Variants in AK5 observed in about 807,000 individuals in gnomAD.
The protein encoded by AK5 is adenylate kinase 5, also known as adenylate kinase isoenzyme 5.
In AK5, 27 loss-of-function variants were observed where a neutral mutation model predicts 69.5. That is an observed-to-expected ratio of 0.39 (90% confidence interval 0.29 to 0.54). AK5 has a LOEUF of 0.54. Among genes scored for constraint, AK5 ranks in the 20% least tolerant of loss-of-function variants. AK5 has a pLI of 0.71. For synonymous variants in AK5, 260 were observed against 244.4 expected (o/e 1.06, Z -0.60); for missense variants, 531 against 700.4 (o/e 0.76, Z 2.73).
chr1:77,552,867 ATC>A (rs1659886045), intron 13 of AK5, among the ~76,000 whole-genome samples: 1 of 152,172 alleles, frequency 6.6e-6, no homozygotes, highest in South Asian at 2.1e-4. Context: ...GCAAGACCCC[ATC>A]TCTACAAAAA....
intron 5 of AK5, chr1:77,314,127 A>G (rs1660114387): frequency 6.2e-6 from 2 of 323,220 alleles, no homozygotes; most frequent in South Asian, 5.2e-5. Context: ...CCTCAAAACA[A>G]TCTTATGATA....
intron 8 of AK5, among the ~76,000 whole-genome samples, chr1:77,431,473 CA>C (rs1651634124): frequency 6.6e-6 from 1 of 152,002 alleles, no homozygotes; most frequent in East Asian, 1.9e-4. Flanking sequence ...ATATGTGGTT[CA>C]GAAAGGCAGA....
intron 6 of AK5, 181 bp downstream of exon 6, chr1:77,340,749 TA>T (rs5775390): frequency 0.8 from 355,687 of 446,264 alleles, 142,758 homozygotes; most frequent in South Asian, 0.91. Flanking sequence ...CATGTTTTTT[TA>T]AAAAAACTTT....
intron 6 of AK5, among the ~76,000 whole-genome samples, chr1:77,403,522 C>A (rs1269450836): frequency 6.6e-6 from 1 of 152,170 alleles, no homozygotes; most frequent in Non-Finnish European, 1.5e-5. Context: ...TATGGCTAGC[C>A]AGTCTTCCCA....
chr1:77,290,296 G>A (rs1240059298), intron 2 of AK5, among the ~76,000 whole-genome samples: 1 of 152,172 alleles, frequency 6.6e-6, no homozygotes, highest in Admixed American at 6.5e-5. Context: ...TAGCTATAAT[G>A]TGTGGAATAG....
At chr1:77,367,850 A>ATGT (rs1224704426) in intron 6 of AK5, among the ~76,000 whole-genome samples, 10 of 2,864 alleles carry the variant, frequency 3.5e-3, no homozygotes, top group South Asian at 0.013. Context: ...TATATATTAT[A>ATGT]TATAATATAT....
At chr1:77,364,493 T>C (rs1018078541) in intron 6 of AK5, among the ~76,000 whole-genome samples, 9 of 152,188 alleles carry the variant, frequency 5.9e-5, no homozygotes, top group African/African-American at 2.2e-4. Flanking sequence ...AGCTGTAATT[T>C]TGTAGCCCTT....
At chr1:77,298,099 C>T (rs1659116035) in intron 5 of AK5, 152 bp downstream of exon 5, 1 of 438,244 alleles carries the variant, frequency 2.3e-6, no homozygotes, top group Non-Finnish European at 3.9e-6. Flanking sequence ...GGCAGAAGGT[C>T]ATTTCTTTGG....
At chr1:77,424,669 G>A (rs1570546635) in intron 8 of AK5, among the ~76,000 whole-genome samples, 2 of 152,118 alleles carry the variant, frequency 1.3e-5, no homozygotes, top group Non-Finnish European at 2.9e-5. Context: ...CACATGGCTG[G>A]GGAGAGAATC....
intron 5 of AK5, chr1:77,314,027 A>G (rs551996414): frequency 2.6e-6 from 1 of 389,446 alleles, no homozygotes; most frequent in African/African-American, 2.1e-5. Flanking sequence ...AAATAATTGT[A>G]GTCATAGTAA....
intron 9 of AK5, among the ~76,000 whole-genome samples, chr1:77,485,810 G>A (rs544217365): frequency 3.9e-5 from 6 of 152,216 alleles, no homozygotes; most frequent in South Asian, 2.1e-4. Context: ...ATACATTACC[G>A]GGGTGGGGGA....
intron 5 of AK5, among the ~76,000 whole-genome samples, chr1:77,328,978 A>G (rs1338162697): frequency 1.3e-5 from 2 of 152,122 alleles, no homozygotes; most frequent in African/African-American, 4.8e-5. Context: ...GAGAGAACAC[A>G]AGACAGCAAA....
At chr1:77,535,194 A>G (rs928571980) in intron 12 of AK5, among the ~76,000 whole-genome samples, 12 of 152,196 alleles carry the variant, frequency 7.9e-5, no homozygotes, top group Admixed American at 3.3e-4. Flanking sequence ...AGACTCTAAA[A>G]GCATGGACAT....
chr1:77,406,704 G>GAAAAAAAAAAA (rs752481198), intron 6 of AK5, among the ~76,000 whole-genome samples: 2,043 of 147,160 alleles, frequency 0.014, 43 homozygotes, highest in African/African-American at 0.05. Context: ...CTGATGCTGA[G>GAAAAAAAAAAA]GAAAAAAAAA....
chr1:77,305,841 A>G (rs1330634404), intron 5 of AK5, among the ~76,000 whole-genome samples: 1 of 152,004 alleles, frequency 6.6e-6, no homozygotes, highest in Non-Finnish European at 1.5e-5. Flanking sequence ...TTGTGGTTCT[A>G]TATACATTTT....
intron 10 of AK5, among the ~76,000 whole-genome samples, chr1:77,495,801 A>G (rs1656277426): frequency 6.6e-6 from 1 of 151,950 alleles, no homozygotes; most frequent in Non-Finnish European, 1.5e-5. Flanking sequence ...CCTAGTATGG[A>G]GGTGGAGGGG....
At chr1:77,519,505 T>G (rs531086183) in intron 11 of AK5, among the ~76,000 whole-genome samples, 1 of 152,312 alleles carries the variant, frequency 6.6e-6, no homozygotes, top group South Asian at 2.1e-4. Flanking sequence ...AAGAGAGGGT[T>G]CTTGGATCTT....
intron 6 of AK5, among the ~76,000 whole-genome samples, chr1:77,379,938 G>A (rs1431839081): frequency 1.3e-5 from 2 of 152,184 alleles, no homozygotes; most frequent in African/African-American, 4.8e-5. Context: ...TTGTAAGAAG[G>A]CTGGATTTTA....
intron 8 of AK5, among the ~76,000 whole-genome samples, chr1:77,450,766 T>A (rs901458299): frequency 1.3e-4 from 20 of 152,168 alleles, no homozygotes; most frequent in African/African-American, 4.6e-4. Flanking sequence ...GAGCAAGTTA[T>A]ATAAACATAT....
Sources: gnomAD v4.1 joint callset for allele counts (sites outside exome capture counted in the v4.1 genomes callset) on GRCh38, gnomAD v4.1.1 for gene constraint, MANE v1.5 for transcripts, NCBI Gene and HGNC (gene_info 2026-07-23, HGNC 2026-07-21) for gene names.